The following C4BPA variants were observed in gnomAD, a reference collection of about 807,000 sequenced individuals.
C4BPA encodes complement component 4 binding protein alpha.
C4BPA carries 31 observed loss-of-function variants against 63.7 expected under a neutral mutation model. That is an observed-to-expected ratio of 0.49 (90% CI 0.37 to 0.66). The LOEUF is 0.66. Ranked by LOEUF, C4BPA falls within the 30% of genes least tolerant of loss-of-function variation. The pLI is 0.00. For synonymous variants in C4BPA, 259 were observed against 254.7 expected (o/e 1.02, Z -0.16); for missense variants, 572 against 723.3 (o/e 0.79, Z 2.40).
At chr1:207,144,424 C>T in intron 11 of C4BPA, 120 bp from the exon 12 acceptor site, 1 of 774,836 alleles carries the variant, frequency 1.3e-6, no homozygotes, top group Non-Finnish European at 2.0e-6. Context: ...TTCCCAGCCT[C>T]AACCACCAGT....
intron 2 of C4BPA, 104 bp downstream of exon 2, chr1:207,113,271 C>T (rs1280607424): frequency 1.6e-6 from 2 of 1,259,564 alleles, no homozygotes; most frequent in East Asian, 5.0e-5. Flanking sequence ...CTAGCAGAGA[C>T]CCAGCTTCAT....
chr1:207,106,457 T>TTTTTTTTTTTTTTG lies in C4BPA; in HGVS notation c.-26+2027_-26+2028insTTTTTTTTTTTTTG, dbSNP rs905722793. Among the ~76,000 whole-genome samples, 1,144 of 129,306 alleles carry TTTTTTTTTTTTTTG rather than the reference T, an allele frequency of 8.8e-3. 39 individuals carry two copies. The highest frequency in any genetic ancestry group is 0.036 in the African/African-American group (1,078 of 29,864). 84.8% of individuals were successfully genotyped at this position (129,306 alleles called of 152,430 possible). A position where few individuals can be genotyped will look rare whatever the true frequency, so the allele number is the denominator to read the frequency against. ...TCCGTGTAAGTTTTTTTTTTTTTTT[T>TTTTTTTTTTTTTTG]GAAACGGAGTCTCGCTTTGTTGCCC... On this transcript the variant is annotated intron_variant, in intron 1 of 11. Transcript: ENST00000367070.
intron 7 of C4BPA, chr1:207,127,504 G>C (rs1293341908): frequency 6.6e-6 from 1 of 152,184 alleles, no homozygotes; most frequent in East Asian, 1.9e-4. Flanking sequence ...TGTTCACAGA[G>C]GTTAAAAGAC....
intron 9 of C4BPA, among the ~76,000 whole-genome samples, chr1:207,136,551 G>T (rs1321282607): frequency 6.6e-6 from 1 of 152,072 alleles, no homozygotes; most frequent in Non-Finnish European, 1.5e-5. Flanking sequence ...CTATCCTTAG[G>T]CCACTTTCTT....
At chr1:207,141,656 G>A (rs1050879624) in intron 10 of C4BPA, among the ~76,000 whole-genome samples, 2 of 152,136 alleles carry the variant, frequency 1.3e-5, no homozygotes, top group Admixed American at 1.3e-4. Context: ...AATATCATGA[G>A]TGACAGTTAT....
intron 1 of C4BPA, among the ~76,000 whole-genome samples, chr1:207,112,318 TTCTC>T (rs1284861732): frequency 2.0e-5 from 3 of 151,888 alleles, no homozygotes; most frequent in Admixed American, 1.3e-4. Context: ...ACTCAACTCT[TTCTC>T]TCTATCCCAT....
Position 207,113,124 on chromosome 1 carries a change from C to A in C4BPA, c.99C>A (p.Leu33=). The part of the protein sequence containing the change: ...SRLWKVSDPI[L]FQMTLIAALL... Reference sequence around the variant, plus strand: ...TGTGGAAAGTCTCTGATCCAATTCTCTTCCAAATGACCTTGATCGCTGCTC... The same window carrying A: ...TGTGGAAAGTCTCTGATCCAATTCTATTCCAAATGACCTTGATCGCTGCTC... The change falls in exon 2 of 12, where the codon CTC becomes CTA. Residue 33 remains leucine, a synonymous_variant. Transcript: ENST00000367070. The A allele has an allele frequency of 1.2e-6, 2 of 1,611,410 alleles. No individual in the cohort carries two copies. Among genetic ancestry groups the A allele is most frequent in the African/African-American group, 2.7e-5 (2 of 74,820 alleles).
chr1:207,144,128 A>G, intron 11 of C4BPA, 135 bp downstream of exon 11: 2 of 641,924 alleles, frequency 3.1e-6, no homozygotes, highest in Non-Finnish European at 5.0e-6. Flanking sequence ...CCACTCAAAG[A>G]AACTCTTTTT....
chr1:207,105,599 G>A (rs1684544581), intron 1 of C4BPA, among the ~76,000 whole-genome samples: 1 of 151,698 alleles, frequency 6.6e-6, no homozygotes, highest in Non-Finnish European at 1.5e-5. Flanking sequence ...TTCTAGGAAG[G>A]GTGGGGAAAG....
At chr1:207,121,321 C>T (rs567382939) in intron 4 of C4BPA, among the ~76,000 whole-genome samples, 3 of 152,246 alleles carry the variant, frequency 2.0e-5, no homozygotes, top group South Asian at 4.1e-4. Context: ...TATTTTGCTA[C>T]ATAAAGATTC....
chr1:207,109,977 G>A (rs757341079), intron 1 of C4BPA, among the ~76,000 whole-genome samples: 2 of 152,302 alleles, frequency 1.3e-5, no homozygotes, highest in African/African-American at 4.8e-5. Context: ...TGGAACACAC[G>A]TTATCACTAG....
At chr1:207,113,491 G>T (rs1684713753) in intron 2 of C4BPA, among the ~76,000 whole-genome samples, 1 of 152,016 alleles carries the variant, frequency 6.6e-6, no homozygotes. Context: ...TATTCAGGGG[G>T]TGCTTAAAAA....
At chr1:207,113,857 A>C (rs1039443357) in intron 2 of C4BPA, among the ~76,000 whole-genome samples, 1 of 152,094 alleles carries the variant, frequency 6.6e-6, no homozygotes, top group Non-Finnish European at 1.5e-5. Flanking sequence ...AAGGGAAAAA[A>C]ATTCTGCCTT....
At chr1:207,128,237 T>C (rs760087677) in intron 7 of C4BPA, among the ~76,000 whole-genome samples, 2 of 152,230 alleles carry the variant, frequency 1.3e-5, no homozygotes, top group Non-Finnish European at 2.9e-5. Context: ...TCCCCAGCTC[T>C]GCGCTGTGGA....
intron 4 of C4BPA, among the ~76,000 whole-genome samples, chr1:207,123,101 T>G (rs144933999): frequency 6.6e-6 from 1 of 152,212 alleles, no homozygotes; most frequent in Non-Finnish European, 1.5e-5. Context: ...AAGATGCTGT[T>G]GAAACACTAA....
Position 207,114,165 on chromosome 1 carries a change from C to T in C4BPA, c.208C>T (p.Arg70Cys), listed in dbSNP as rs1192299393. Residue 70 changes from arginine to cysteine, a missense_variant, in exon 3 of 12, where the codon CGC becomes TGC. By Grantham distance (180) the Arg-to-Cys change is radical. This residue lies in a region of C4BPA where 107 missense variants were observed against 93.9 expected (regional missense o/e 1.14). Coordinates refer to ENST00000367070, the MANE Select transcript of C4BPA (RefSeq NM_000715.4). The stretch of plus-strand genomic sequence containing the variant: ...GATGGATATTACGTTGACTGAGACA[C>T]GCTTCAAAACTGGAACTACTCTGAA... Reference protein sequence around the residue: ...APMDITLTETRFKTGTTLKYT... With the variant: ...APMDITLTETCFKTGTTLKYT... The T allele has an allele frequency of 3.7e-6, 6 of 1,613,752 alleles. No homozygotes were observed. The highest frequency in any genetic ancestry group is 2.2e-5 in the East Asian group (1 of 44,854).
At chr1:207,133,605 A>C (rs1685211972) in intron 8 of C4BPA, among the ~76,000 whole-genome samples, 1 of 152,106 alleles carries the variant, frequency 6.6e-6, no homozygotes. Flanking sequence ...TCTACCAAAA[A>C]ATTAAAAACT....
At chr1:207,110,556 G>A (rs568693573) in intron 1 of C4BPA, among the ~76,000 whole-genome samples, 5 of 152,276 alleles carry the variant, frequency 3.3e-5, no homozygotes, top group South Asian at 4.1e-4. Context: ...TTGGGAGGCC[G>A]AGGCGGGAGA....
intron 1 of C4BPA, among the ~76,000 whole-genome samples, chr1:207,105,717 A>G (rs987309891): frequency 7.2e-5 from 11 of 152,178 alleles, no homozygotes; most frequent in Non-Finnish European, 1.0e-4. Context: ...TCCTTTCACA[A>G]GGTATCTGCA....
Sources: allele counts gnomAD v4.1 joint callset (sites outside exome capture counted in the v4.1 genomes callset), GRCh38; gene constraint gnomAD v4.1.1; regional missense constraint gnomAD v4.1.1; transcripts MANE v1.5; gene names NCBI Gene and HGNC (gene_info 2026-07-23, HGNC 2026-07-21).